CRYBG1: variants seen among roughly 807,000 people sequenced by gnomAD.
CRYBG1 encodes beta/gamma crystallin domain-containing protein 1.
Under a neutral mutation model 189.2 loss-of-function variants are expected in CRYBG1, and 139 were observed. That is an observed-to-expected ratio of 0.73 (90% CI 0.64 to 0.85). CRYBG1 has a LOEUF of 0.85. CRYBG1 is among the 40% of genes least tolerant of loss of function. CRYBG1 has a pLI of 0.00. For synonymous variants in CRYBG1, 1,023 were observed against 1,017.1 expected, an observed-to-expected ratio of 1.01 and a Z score of -0.11; for missense variants, 2,611 against 2,675.8, an observed-to-expected ratio of 0.98 and a Z score of 0.53.
At chr6:106,503,457 A>T (rs1201603691) in intron 2 of CRYBG1, among the ~76,000 whole-genome samples, 1 of 152,192 alleles carries the variant, frequency 6.6e-6, no homozygotes, top group African/African-American at 2.4e-5. Context: ...GTGACACATT[A>T]ATCATTCTAG....
At position 106,512,462 on chromosome 6, in the gene CRYBG1, G is replaced by C. The variant is rs1397029860; in HGVS notation, c.1345G>C (p.Asp449His). Reference protein sequence around the residue: ...ESAARDDAVFDDEVAPNAASD... With the variant: ...ESAARDDAVFHDEVAPNAASD... ...CGCTGCCAGGGACGACGCGGTGTTC[G>C]ACGACGAGGTGGCGCCAAACGCGGC... Residue 449 changes from aspartate to histidine, a missense_variant, in exon 3 of 22, where the codon GAC becomes CAC. Coordinates refer to ENST00000633556, the MANE Select transcript of CRYBG1 (RefSeq NM_001371242.2). 5 of 1,611,000 alleles carry C rather than the reference G, an allele frequency of 3.1e-6. No individual in the cohort carries two copies. Among genetic ancestry groups the C allele is most frequent in the Non-Finnish European group, 4.2e-6 (5 of 1,179,040 alleles).
chr6:106,511,827 C>A lies in CRYBG1; in HGVS notation c.710C>A (p.Pro237His). ...CHENDSPQLE[P>H]LEAEGEPFPD... ...GAAAATGATTCACCCCAATTAGAAC[C>A]TCTGGAGGCAGAGGGAGAGCCTTTC... The change falls in exon 3 of 22, where the codon CCT (proline) becomes CAT (histidine). Residue 237 changes from proline to histidine, a missense_variant. Physicochemically the swap from Pro to His is moderately conservative, Grantham distance 77. Around this residue, in one of 3 missense-constraint regions of CRYBG1, gnomAD observed 985 missense variants for 924.4 expected, o/e 1.07. Coordinates refer to ENST00000633556, the MANE Select transcript of CRYBG1 (RefSeq NM_001371242.2). The A allele has an allele frequency of 6.6e-7, 1 of 1,518,822 alleles. No homozygotes were observed. Among genetic ancestry groups the A allele is most frequent in the Non-Finnish European group, 8.8e-7 (1 of 1,135,906 alleles). 94.1% of individuals were successfully genotyped at this position (1,518,822 alleles called of 1,614,324 possible).
At chr6:106,459,549 T>TTG (rs1443708530) in intron 2 of CRYBG1, among the ~76,000 whole-genome samples, 4 of 139,662 alleles carry the variant, frequency 2.9e-5, no homozygotes, top group African/African-American at 9.9e-5. Flanking sequence ...TTGTGGGTTT[T>TTG]TTTTTTTTTT....
intron 1 of CRYBG1, among the ~76,000 whole-genome samples, chr6:106,379,883 T>C (rs1437316354): frequency 1.3e-5 from 2 of 152,192 alleles, no homozygotes; most frequent in African/African-American, 4.8e-5. Context: ...TCAGCCATGA[T>C]TTTTACATTC....
intron 1 of CRYBG1, among the ~76,000 whole-genome samples, chr6:106,420,467 A>T (rs1381017918): frequency 6.6e-6 from 1 of 152,212 alleles, no homozygotes; most frequent in East Asian, 1.9e-4. Flanking sequence ...GAGGGAGTAG[A>T]GTAAATGAAG....
rs71553784 is a variant in CRYBG1 at position 106,434,169 on chromosome 6, AG to A, written c.174-17524del. ...CAGAGAGAAAGAGAGAGAGAGAGAGAGATTGAGACAGAAAGAGAGAGAAAGA... is the reference window on the plus strand; with the variant it reads ...CAGAGAGAAAGAGAGAGAGAGAGAGAATTGAGACAGAAAGAGAGAGAAAGA... On this transcript the variant is annotated intron_variant, in intron 1 of 21. Coordinates refer to ENST00000633556, the MANE Select transcript of CRYBG1 (RefSeq NM_001371242.2). Among the ~76,000 whole-genome samples, 13 of 151,706 alleles carry A rather than the reference AG, an allele frequency of 8.6e-5. No individual in the cohort carries two copies. The East Asian group carries it at 9.7e-4, about 11-fold the overall frequency.
chr6:106,470,981 C>A (rs1772222800), intron 2 of CRYBG1, among the ~76,000 whole-genome samples: 1 of 152,140 alleles, frequency 6.6e-6, no homozygotes, highest in African/African-American at 2.4e-5. Flanking sequence ...ACTGTGGAGT[C>A]AATACATCAT....
chr6:106,399,313 C>T (rs1770673135), intron 1 of CRYBG1, among the ~76,000 whole-genome samples: 1 of 152,166 alleles, frequency 6.6e-6, no homozygotes, highest in South Asian at 2.1e-4. Context: ...AACTTTCCAC[C>T]CTTTAATCAT....
intron 1 of CRYBG1, among the ~76,000 whole-genome samples, chr6:106,365,218 C>T (rs1424166758): frequency 6.6e-6 from 1 of 152,024 alleles, no homozygotes; most frequent in African/African-American, 2.4e-5. Context: ...CACCTGAGGT[C>T]AGGAGTTCAA....
chr6:106,472,663 G>C (rs36109853), intron 2 of CRYBG1, among the ~76,000 whole-genome samples: 32,319 of 151,648 alleles, frequency 0.21, 3,674 homozygotes, highest in East Asian at 0.37. Context: ...GGAAGGCCAA[G>C]GCGGGCAGAT....
chr6:106,488,318 G>A lies in CRYBG1; in HGVS notation c.313-23112G>A, dbSNP rs544141486. On this transcript the variant is annotated intron_variant, in intron 2 of 21. Transcript: ENST00000633556. Reference sequence around the variant, plus strand: ...CTGAGTGGGCATTCTCTCCAGTGGTGTAGGGTCCCCTCCAGGCTTGCTCTC... The same window carrying A: ...CTGAGTGGGCATTCTCTCCAGTGGTATAGGGTCCCCTCCAGGCTTGCTCTC... Among the ~76,000 whole-genome samples, 13 of 152,304 alleles carry A rather than the reference G, an allele frequency of 8.5e-5. No individual in the cohort carries two copies. In the South Asian group the frequency reaches 1.7e-3, roughly 19 times the overall value.
At chr6:106,511,297 TA>T in intron 2 of CRYBG1, 132 bp from the exon 3 acceptor site, 1 of 902,928 alleles carries the variant, frequency 1.1e-6, no homozygotes, top group Non-Finnish European at 1.6e-6. Flanking sequence ...GAATGTAACA[TA>T]AACATAACTT....
At chr6:106,414,194 C>T (rs1365408553) in intron 1 of CRYBG1, among the ~76,000 whole-genome samples, 1 of 152,184 alleles carries the variant, frequency 6.6e-6, no homozygotes, top group Non-Finnish European at 1.5e-5. Flanking sequence ...TGAAAAATTA[C>T]CATTCCAAAC....
At chr6:106,374,555 G>A (rs1770108718) in intron 1 of CRYBG1, among the ~76,000 whole-genome samples, 2 of 151,964 alleles carry the variant, frequency 1.3e-5, no homozygotes, top group East Asian at 1.9e-4. Flanking sequence ...AAGACGTCTC[G>A]CTGAAAACAA....
At chr6:106,405,881 A>G (rs1454703384) in intron 1 of CRYBG1, among the ~76,000 whole-genome samples, 1 of 152,208 alleles carries the variant, frequency 6.6e-6, no homozygotes, top group African/African-American at 2.4e-5. Context: ...GGTCACCAAC[A>G]TCAAAGAGCA....
chr6:106,480,988 T>TG, intron 2 of CRYBG1, among the ~76,000 whole-genome samples: 1 of 17,508 alleles, frequency 5.7e-5, no homozygotes, highest in Non-Finnish European at 1.0e-4. Context: ...TTTTTTTTTT[T>TG]TTTTAGACGG....
chr6:106,470,174 C>T (rs1772201820), intron 2 of CRYBG1, among the ~76,000 whole-genome samples: 1 of 152,148 alleles, frequency 6.6e-6, no homozygotes. Context: ...AAATAATTCT[C>T]AGAGCCAGGT....
rs2114594757 is a variant in CRYBG1, at chr6:106,558,635, C to T, written c.5855+10C>T. ...AGGTTATTGGTGGCATGTGAGTTAC[C>T]TACTTGTTGACTCAATAAAATAGAT... On this transcript the variant is annotated intron_variant, in intron 18 of 21. Coordinates refer to ENST00000633556, the MANE Select transcript of CRYBG1 (RefSeq NM_001371242.2). 3 of 1,594,892 alleles carry T rather than the reference C, an allele frequency of 1.9e-6. No individual in the cohort carries two copies. The highest frequency in any genetic ancestry group is 2.6e-6 in the Non-Finnish European group (3 of 1,172,908).
rs541619838 is a variant in CRYBG1 at position 106,474,389 on chromosome 6, G to A, written c.312+22557G>A. Among the ~76,000 whole-genome samples, 19 of 152,296 alleles carry A rather than the reference G, an allele frequency of 1.2e-4. No individual in the cohort carries two copies. In the South Asian group the frequency reaches 3.9e-3, roughly 32 times the overall value. On this transcript the variant is annotated intron_variant, in intron 2 of 21. Transcript: ENST00000633556. The stretch of plus-strand genomic sequence containing the variant: ...CAGTATTTTGTTGGGAATTGTTATA[G>A]TGTATAATAACCTGCATATTTGTAT...
Sources: allele counts gnomAD v4.1 joint callset (sites outside exome capture counted in the v4.1 genomes callset), GRCh38; gene constraint gnomAD v4.1.1; regional missense constraint gnomAD v4.1.1; transcripts MANE v1.5; gene names NCBI Gene and HGNC (gene_info 2026-07-23, HGNC 2026-07-21).